The following VDAC3 variants were observed in gnomAD, a reference collection of about 807,000 sequenced individuals.
VDAC3 encodes non-selective voltage-gated ion channel VDAC3.
VDAC3 carries 7 observed loss-of-function variants against 33.9 expected under a neutral mutation model. That is an observed-to-expected ratio of 0.21 (90% CI 0.12 to 0.39). The LOEUF is 0.39. VDAC3 is among the 10% of genes least tolerant of loss of function. The pLI is 1.00. For synonymous variants in VDAC3, 100 were observed against 122.4 expected (o/e 0.82, Z 1.21); for missense variants, 261 against 334.5 (o/e 0.78, Z 1.71).
At position 42,392,802 on chromosome 8, in the gene VDAC3, A is replaced by G. The variant is rs933263199; in HGVS notation, c.-43+874A>G. On this transcript the variant is annotated intron_variant, in intron 1 of 9. Coordinates refer to ENST00000022615, the MANE Select transcript of VDAC3 (RefSeq NM_005662.7). ...TGTAAAGCTTTAACATTTCTATTTC[A>G]ATATATACTGCCTGCATTTCTATAC... 2.0e-5 allele frequency among the ~76,000 whole-genome samples: 3 copies of G among 152,242 alleles called. No individual in the cohort carries two copies. The East Asian group carries it at 5.8e-4, about 29-fold the overall frequency.
At position 42,394,191 on chromosome 8, in the gene VDAC3, C is replaced by G. The variant is rs149681725; in HGVS notation, c.-2-19C>G. ...CTAAATGGTTATTTTTATTCCTTTGCCCTGTTTTTCTTTATAAGATATGTG... is the reference window on the plus strand; with the variant it reads ...CTAAATGGTTATTTTTATTCCTTTGGCCTGTTTTTCTTTATAAGATATGTG... On this transcript the variant is annotated intron_variant, in intron 2 of 9. Coordinates refer to ENST00000022615, the MANE Select transcript of VDAC3 (RefSeq NM_005662.7). The G allele has an allele frequency of 8.9e-4, 1,432 of 1,608,856 alleles. 10 individuals carry two copies. The African/African-American group carries it at 0.017, about 19-fold the overall frequency.
chr8:42,399,854 G>A (rs1585950946), intron 6 of VDAC3, 151 bp downstream of exon 6: 2 of 591,378 alleles, frequency 3.4e-6, no homozygotes, highest in East Asian at 6.0e-5. Flanking sequence ...AGGTAATACA[G>A]ATAAAGGAAG....
intron 4 of VDAC3, among the ~76,000 whole-genome samples, chr8:42,395,782 A>G (rs1386090632): frequency 1.3e-5 from 2 of 151,324 alleles, no homozygotes; most frequent in African/African-American, 2.4e-5. Flanking sequence ...ACATTCTGAA[A>G]CCCCGTCTCT....
intron 5 of VDAC3, among the ~76,000 whole-genome samples, chr8:42,399,138 T>G (rs1368200726): frequency 2.6e-5 from 4 of 152,142 alleles, no homozygotes; most frequent in Non-Finnish European, 4.4e-5. Context: ...GGAAATTTGG[T>G]TTAGTTTTGT....
intron 8 of VDAC3, among the ~76,000 whole-genome samples, chr8:42,404,647 G>A (rs1437465453): frequency 6.6e-6 from 1 of 151,560 alleles, no homozygotes; most frequent in African/African-American, 2.4e-5. Context: ...GCTTGGACCC[G>A]GGAAGCGGAG....
Position 42,399,717 on chromosome 8 carries a change from T to A in VDAC3, c.323+14T>A. The A allele has an allele frequency of 6.2e-7, 1 of 1,611,060 alleles. No homozygotes were observed. Among genetic ancestry groups the A allele is most frequent in the Non-Finnish European group, 8.5e-7 (1 of 1,178,226 alleles). ...ACCGAACACAGGGTAATTATTCAAA[T>A]CCCATTTCCTGAAACGTTTTTGGAG... is the stretch of plus-strand genomic sequence containing the variant. On this transcript the variant is annotated intron_variant, in intron 6 of 9. Coordinates refer to ENST00000022615, the MANE Select transcript of VDAC3 (RefSeq NM_005662.7).
At chr8:42,398,560 C>A in intron 4 of VDAC3, 152 bp from the exon 5 acceptor site, 1 of 770,618 alleles carries the variant, frequency 1.3e-6, no homozygotes, top group Non-Finnish European at 2.0e-6. Context: ...ACTGGAAAAG[C>A]AAGGGGAAAG....
intron 8 of VDAC3, among the ~76,000 whole-genome samples, chr8:42,404,089 T>C (rs1396659165): frequency 6.6e-6 from 1 of 152,180 alleles, no homozygotes; most frequent in African/African-American, 2.4e-5. Flanking sequence ...TTTCATGTAC[T>C]GTGCTAAGGG....
At chr8:42,400,445 G>T (rs933393274) in intron 6 of VDAC3, among the ~76,000 whole-genome samples, 4 of 151,116 alleles carry the variant, frequency 2.6e-5, no homozygotes, top group African/African-American at 9.7e-5. Context: ...GATTAGTTCT[G>T]CTGCCTACTT....
At position 42,401,916 on chromosome 8, in the gene VDAC3, C is replaced by T. The variant is rs746574411; in HGVS notation, c.452C>T (p.Ala151Val). Residue 151 changes from alanine (A) to valine (V), a missense_variant, in exon 7 of 10, where the codon GCT becomes GTT. Ala to Val is a moderately conservative substitution (Grantham distance 64, BLOSUM62 0). Coordinates refer to ENST00000022615, the MANE Select transcript of VDAC3 (RefSeq NM_005662.7). ...WAVLAFEGWL[A>V]GYQMSFDTAK... ...GTGTTGGCCTTCGAAGGGTGGCTTG[C>T]TGGCTATCAGATGAGTTTTGACACA... is the stretch of plus-strand genomic sequence containing the variant. 6.2e-7 allele frequency: 1 copy of T among 1,614,250 alleles called. No individual in the cohort carries two copies. Among genetic ancestry groups the T allele is most frequent in the South Asian group, 1.1e-5 (1 of 91,090 alleles).
intron 4 of VDAC3, among the ~76,000 whole-genome samples, chr8:42,398,400 G>T (rs1159120219): frequency 7.9e-5 from 12 of 152,060 alleles, no homozygotes; most frequent in Non-Finnish European, 1.5e-5. Context: ...CTAATTTTTT[G>T]TATTTTTTGT....
intron 8 of VDAC3, 115 bp downstream of exon 8, chr8:42,403,576 A>G (rs1485019695): frequency 5.2e-6 from 6 of 1,157,902 alleles, no homozygotes; most frequent in Non-Finnish European, 4.8e-6. Flanking sequence ...AAGCCAGCTC[A>G]TTGTGTAGTG....
chr8:42,395,181 G>T, intron 4 of VDAC3, 48 bp downstream of exon 4: 1 of 1,609,186 alleles, frequency 6.2e-7, no homozygotes, highest in South Asian at 1.1e-5. Flanking sequence ...TTAACTTAAA[G>T]GAATCTGTTT....
At chr8:42,404,792 T>C in intron 8 of VDAC3, 75 bp from the exon 9 acceptor site, 1 of 1,292,804 alleles carries the variant, frequency 7.7e-7, no homozygotes, top group East Asian at 2.4e-5. Flanking sequence ...GGAAACCTAA[T>C]GCACAAAGTG....
chr8:42,404,158 T>C (rs982434954), intron 8 of VDAC3, among the ~76,000 whole-genome samples: 1 of 152,190 alleles, frequency 6.6e-6, no homozygotes, highest in Admixed American at 6.5e-5. Flanking sequence ...ATTAGTGTTA[T>C]CCTCATCCCT....
chr8:42,403,169 T>C (rs1802446877), intron 7 of VDAC3, 142 bp from the exon 8 acceptor site: 7 of 858,962 alleles, frequency 8.1e-6, no homozygotes, highest in Non-Finnish European at 1.2e-5. Flanking sequence ...TTTTGTTTAG[T>C]AGTCATTTAT....
intron 9 of VDAC3, 41 bp downstream of exon 9, chr8:42,404,965 G>T: frequency 6.3e-7 from 1 of 1,575,262 alleles, no homozygotes. Flanking sequence ...GAGGTGGAAG[G>T]TGATAGAGAA....
At chr8:42,399,799 G>A in intron 6 of VDAC3, 96 bp downstream of exon 6, 2 of 1,101,434 alleles carry the variant, frequency 1.8e-6, no homozygotes, top group East Asian at 4.9e-5. Flanking sequence ...TCAGAGGCAG[G>A]AAGAACTCAG....
intron 1 of VDAC3, among the ~76,000 whole-genome samples, chr8:42,392,415 C>T (rs1270503501): frequency 6.6e-6 from 1 of 152,260 alleles, no homozygotes; most frequent in Non-Finnish European, 1.5e-5. Flanking sequence ...TCTGCGTCTC[C>T]TGCAGCCTCT....
Sources: gnomAD v4.1 joint callset for allele counts (sites outside exome capture counted in the v4.1 genomes callset) on GRCh38, gnomAD v4.1.1 for gene constraint, MANE v1.5 for transcripts, NCBI Gene and HGNC (gene_info 2026-07-23, HGNC 2026-07-21) for gene names.